STAG1: variants seen among roughly 807,000 people sequenced by gnomAD.
The protein encoded by STAG1 is STAG1 cohesin complex component, also known as cohesin subunit SA-1.
A neutral mutation model predicts 170.9 loss-of-function variants in STAG1; 26 were observed. That is an observed-to-expected ratio of 0.15 (90% CI 0.11 to 0.21). STAG1 has a LOEUF of 0.21. Ranked by LOEUF, STAG1 falls within the 10% of genes least tolerant of loss-of-function variation. The probability of loss-of-function intolerance (pLI) is 1.00; values close to 1 mark genes in which losing one functional copy is unlikely to be tolerated. For synonymous variants in STAG1, 514 were observed against 497.7 expected, an observed-to-expected ratio of 1.03 and a Z score of -0.44; for missense variants, 964 against 1,509.5, an observed-to-expected ratio of 0.64 and a Z score of 5.99.
At chr3:136,436,973 C>CA (rs1048765826) in intron 15 of STAG1, among the ~76,000 whole-genome samples, 1 of 152,108 alleles carries the variant, frequency 6.6e-6, no homozygotes, top group Non-Finnish European at 1.5e-5. Context: ...CCTAGTAATA[C>CA]AAAAAAAGCT....
At chr3:136,679,728 TAAAAAAAAA>T (rs61069088) in intron 1 of STAG1, among the ~76,000 whole-genome samples, 1 of 117,708 alleles carries the variant, frequency 8.5e-6, no homozygotes, top group Admixed American at 9.4e-5. Context: ...GACTCCGTCT[TAAAAAAAAA>T]AAAAAAAAAA....
chr3:136,458,421 T>G (rs1176065280), intron 13 of STAG1, among the ~76,000 whole-genome samples: 1 of 152,236 alleles, frequency 6.6e-6, no homozygotes, highest in Non-Finnish European at 1.5e-5. Context: ...CCTCCCAAAG[T>G]GCTGTGATTA....
intron 28 of STAG1, among the ~76,000 whole-genome samples, chr3:136,352,877 C>G (rs1936488989): frequency 6.6e-6 from 1 of 152,102 alleles, no homozygotes; most frequent in African/African-American, 2.4e-5. Flanking sequence ...TTTTGACTTA[C>G]AATATTTTAA....
rs1942700071 is a variant in STAG1 at position 136,690,910 on chromosome 3, GCTA to G, written c.-83-59932_-83-59930del. On this transcript the variant is annotated intron_variant, in intron 1 of 33. Coordinates refer to ENST00000383202, the MANE Select transcript of STAG1 (RefSeq NM_005862.3). ...TTCTCGAATGGGGGATAATCTTTGAGCTACTGGATCTAGTTGCTGACTGCAATA... is the reference window on the plus strand; with the variant it reads ...TTCTCGAATGGGGGATAATCTTTGAGCTGGATCTAGTTGCTGACTGCAATA... Among the ~76,000 whole-genome samples the G allele has an allele frequency of 2.6e-5, 4 of 151,268 alleles. No homozygotes were observed. In the South Asian group the frequency reaches 8.4e-4, roughly 32 times the overall value.
intron 6 of STAG1, among the ~76,000 whole-genome samples, chr3:136,525,751 C>G (rs1934981531): frequency 6.6e-6 from 1 of 152,208 alleles, no homozygotes; most frequent in South Asian, 2.1e-4. Context: ...AAATTTCCCT[C>G]TACACACTGC....
At chr3:136,578,941 G>C (rs974945579) in intron 4 of STAG1, among the ~76,000 whole-genome samples, 1 of 152,300 alleles carries the variant, frequency 6.6e-6, no homozygotes, top group East Asian at 1.9e-4. Flanking sequence ...AAGGAAGTTC[G>C]TGGAACTTCC....
intron 12 of STAG1, among the ~76,000 whole-genome samples, chr3:136,470,948 G>C (rs1009929855): frequency 1.4e-5 from 2 of 146,702 alleles, no homozygotes; most frequent in Non-Finnish European, 3.0e-5. Flanking sequence ...ACACTTGGAC[G>C]CAGGAAGGGG....
chr3:136,603,261 G>A (rs1298510426), intron 4 of STAG1, among the ~76,000 whole-genome samples: 3 of 151,260 alleles, frequency 2.0e-5, no homozygotes, highest in African/African-American at 7.3e-5. Flanking sequence ...GCACAATCTC[G>A]GCTCACTGCA....
chr3:136,383,020 T>C (rs1465474960), intron 22 of STAG1, among the ~76,000 whole-genome samples: 3 of 152,224 alleles, frequency 2.0e-5, no homozygotes, highest in Non-Finnish European at 2.9e-5. Flanking sequence ...CTTCATGATG[T>C]TGGCCTGTTA....
At chr3:136,576,462 T>C (rs923731166) in intron 4 of STAG1, among the ~76,000 whole-genome samples, 22 of 152,292 alleles carry the variant, frequency 1.4e-4, no homozygotes, top group Middle Eastern at 3.4e-3. Context: ...ATCTGAATCA[T>C]AGATTACATT....
At chr3:136,748,509 G>C (rs1296143586) in intron 1 of STAG1, among the ~76,000 whole-genome samples, 1 of 151,898 alleles carries the variant, frequency 6.6e-6, no homozygotes, top group Non-Finnish European at 1.5e-5. Context: ...CAATTCTCCT[G>C]CCTCGGCCTC....
chr3:136,439,034 A>G (rs2088546033), intron 15 of STAG1, among the ~76,000 whole-genome samples: 1 of 151,374 alleles, frequency 6.6e-6, no homozygotes, highest in South Asian at 2.1e-4. Flanking sequence ...GATCTCTACT[A>G]AAAATACAAA....
At chr3:136,352,540 G>C (rs999312942) in intron 28 of STAG1, among the ~76,000 whole-genome samples, 1 of 152,122 alleles carries the variant, frequency 6.6e-6, no homozygotes, top group Non-Finnish European at 1.5e-5. Flanking sequence ...AAAAGAGCAA[G>C]CAACAGCACC....
chr3:136,446,929 T>C (rs191418863), intron 14 of STAG1, among the ~76,000 whole-genome samples: 1 of 151,644 alleles, frequency 6.6e-6, no homozygotes, highest in East Asian at 2.0e-4. Flanking sequence ...GCCTCCTGAG[T>C]AGCTGGGACT....
intron 5 of STAG1, among the ~76,000 whole-genome samples, chr3:136,559,578 T>C (rs1323497849): frequency 5.9e-5 from 9 of 152,210 alleles, no homozygotes; most frequent in Non-Finnish European, 1.0e-4. Context: ...GTTAAAGCCA[T>C]GGTGCCCAAA....
chr3:136,689,443 T>C (rs2107895490), intron 1 of STAG1, among the ~76,000 whole-genome samples: 1 of 152,328 alleles, frequency 6.6e-6, no homozygotes, highest in East Asian at 1.9e-4. Flanking sequence ...AAGAAATCAA[T>C]TTGTCAGTTA....
intron 1 of STAG1, among the ~76,000 whole-genome samples, chr3:136,699,591 C>G (rs1402798284): frequency 2.0e-5 from 3 of 150,926 alleles, no homozygotes; most frequent in Non-Finnish European, 4.4e-5. Flanking sequence ...TCACCACATT[C>G]TGGATTACCA....
At position 136,589,207 on chromosome 3, in the gene STAG1, A is replaced by G. The variant is rs1221311768; in HGVS notation, c.297+15102T>C. On this transcript the variant is annotated intron_variant, in intron 4 of 33. Transcript: ENST00000383202. The stretch of plus-strand genomic sequence containing the variant: ...CACCTGGCCTATTTTATCTTTAAAA[A>G]GCCAATCAAGGCCGGGCGCAGTGGC... 2.6e-5 allele frequency among the ~76,000 whole-genome samples: 4 copies of G among 152,126 alleles called. No homozygotes were observed. The East Asian group carries it at 7.8e-4, about 30-fold the overall frequency.
chr3:136,683,220 A>G (rs1942398789), intron 1 of STAG1, among the ~76,000 whole-genome samples: 1 of 152,144 alleles, frequency 6.6e-6, no homozygotes, highest in African/African-American at 2.4e-5. Flanking sequence ...TACCAATTGT[A>G]TATTTAAAAA....
Sources: gnomAD v4.1 joint callset for allele counts (sites outside exome capture counted in the v4.1 genomes callset) on GRCh38, gnomAD v4.1.1 for gene constraint, MANE v1.5 for transcripts, NCBI Gene and HGNC (gene_info 2026-07-23, HGNC 2026-07-21) for gene names.